Variants in PTPN22 observed in about 807,000 individuals in gnomAD.
PTPN22 encodes protein tyrosine phosphatase non-receptor type 22, also known as tyrosine-protein phosphatase non-receptor type 22.
PTPN22 carries 85 observed loss-of-function variants against 103.3 expected under a neutral mutation model. The ratio of observed to expected loss-of-function variants is 0.82; its 90% CI spans 0.69 to 0.99. PTPN22 has a LOEUF of 0.99. Ranked by LOEUF, PTPN22 falls within the 50% of genes least tolerant of loss-of-function variation. PTPN22 has a pLI of 0.00. For missense variants in PTPN22, 865 were observed against 936.9 expected, an observed-to-expected ratio of 0.92 and a Z score of 1.00; for synonymous variants, 323 against 310.2, an observed-to-expected ratio of 1.04 and a Z score of -0.43.
chr1:113,853,626 C>T (rs577754518), intron 9 of PTPN22, among the ~76,000 whole-genome samples: 50 of 150,698 alleles, frequency 3.3e-4, no homozygotes, highest in Middle Eastern at 3.4e-3. Context: ...CTGGGATTAC[C>T]GTGTGAGCCA....
At chr1:113,828,882 C>T (rs1286140564) in intron 18 of PTPN22, among the ~76,000 whole-genome samples, 4 of 152,146 alleles carry the variant, frequency 2.6e-5, no homozygotes, top group Non-Finnish European at 4.4e-5. Context: ...GTGATCTGCC[C>T]GCCTTGGCCT....
chr1:113,847,735 T>C (rs1192594467), intron 11 of PTPN22, among the ~76,000 whole-genome samples: 1 of 151,548 alleles, frequency 6.6e-6, no homozygotes, highest in East Asian at 2.0e-4. Flanking sequence ...CGCATCACCA[T>C]GCCCAGTTAA....
intron 14 of PTPN22, 94 bp downstream of exon 14, chr1:113,834,816 G>T (rs1265940113): frequency 2.0e-6 from 2 of 1,019,634 alleles, no homozygotes; most frequent in Non-Finnish European, 1.5e-6. Flanking sequence ...CAAACTCAAG[G>T]CTCACACATC....
chr1:113,837,943 G>A (rs1184551198), exon 13 of PTPN22: 1 of 1,613,942 alleles, frequency 6.2e-7, no homozygotes, highest in Non-Finnish European at 8.5e-7. Context: ...TACTTTTTGA[G>A]CCTGCATCTC....
intron 11 of PTPN22, among the ~76,000 whole-genome samples, chr1:113,843,552 T>A (rs1277469003): frequency 6.6e-6 from 1 of 152,158 alleles, no homozygotes; most frequent in Non-Finnish European, 1.5e-5. Context: ...AGGGAGTTAT[T>A]GTTTAATGGA....
chr1:113,852,355 A>G (rs1025115176), intron 9 of PTPN22, among the ~76,000 whole-genome samples: 4 of 152,124 alleles, frequency 2.6e-5, no homozygotes, highest in East Asian at 1.9e-4. Context: ...GTCTAAAACT[A>G]TAGATATAAC....
At chr1:113,821,914 A>T (rs1661648387) in intron 19 of PTPN22, among the ~76,000 whole-genome samples, 2 of 152,244 alleles carry the variant, frequency 1.3e-5, no homozygotes, top group African/African-American at 4.8e-5. Flanking sequence ...TAATCAGAAC[A>T]TTGACTATAA....
Position 113,854,872 on chromosome 1 carries a change from C to T in PTPN22, c.683+35G>A, listed in dbSNP as rs369214737. ...CCTGGCCAGACTCTGACATTTGGTT[C>T]ATTTTGGGTAGAAGGTTTATATATA... On this transcript the variant is annotated intron_variant, in intron 8 of 20. Transcript: ENST00000359785. The T allele has an allele frequency of 2.5e-6, 4 of 1,595,562 alleles. No individual in the cohort carries two copies. In the African/African-American group the frequency reaches 5.4e-5, roughly 21 times the overall value.
intron 9 of PTPN22, among the ~76,000 whole-genome samples, chr1:113,854,090 T>C (rs1664841511): frequency 1.3e-5 from 2 of 151,846 alleles, no homozygotes. Flanking sequence ...ATGGTCTCGA[T>C]CTCCTGACCT....
intron 18 of PTPN22, among the ~76,000 whole-genome samples, chr1:113,828,128 C>T (rs1662247497): frequency 6.6e-6 from 1 of 152,098 alleles, no homozygotes; most frequent in Non-Finnish European, 1.5e-5. Context: ...TCTAACAGTT[C>T]TTTATCTATT....
chr1:113,855,700 T>C (rs950581307), intron 7 of PTPN22, among the ~76,000 whole-genome samples: 1 of 152,150 alleles, frequency 6.6e-6, no homozygotes, highest in Non-Finnish European at 1.5e-5. Context: ...CTGAAAACCA[T>C]TAAAAGTGAT....
At position 113,857,793 on chromosome 1, in the gene PTPN22, A is replaced by C. The variant is rs1196896546; in HGVS notation, c.370-17T>G. ...AACAATGATCTGGGGGATGAAATAG[A>C]TAGAAACTTAAACATTCATATATAG... is the stretch of plus-strand genomic sequence containing the variant. On this transcript the variant is annotated splice_polypyrimidine_tract_variant and intron_variant, in intron 4 of 20. Transcript: ENST00000359785. The C allele has an allele frequency of 3.1e-6, 5 of 1,603,952 alleles. No homozygotes were observed. The highest frequency in any genetic ancestry group is 4.3e-6 in the Non-Finnish European group (5 of 1,173,818).
chr1:113,869,753 A>G (rs1666425409), intron 1 of PTPN22, among the ~76,000 whole-genome samples: 1 of 152,178 alleles, frequency 6.6e-6, no homozygotes, highest in South Asian at 2.1e-4. Context: ...ACTGCCCCTC[A>G]GCTCACTTTT....
At chr1:113,846,992 AT>A (rs778146828) in intron 11 of PTPN22, among the ~76,000 whole-genome samples, 130 of 76,114 alleles carry the variant, frequency 1.7e-3, no homozygotes, top group East Asian at 7.6e-3. Context: ...CCAATGCTAG[AT>A]TTTTTTTTTT....
exon 13 of PTPN22, chr1:113,838,093 C>A (rs1460782622): frequency 6.2e-7 from 1 of 1,613,982 alleles, no homozygotes; most frequent in South Asian, 1.1e-5. Context: ...ATTAAAATAT[C>A]TTCCTGCTGC....
chr1:113,853,640 T>C (rs1450234996), intron 9 of PTPN22, among the ~76,000 whole-genome samples: 1 of 151,466 alleles, frequency 6.6e-6, no homozygotes, highest in Non-Finnish European at 1.5e-5. Flanking sequence ...TGAGCCACCA[T>C]GCCCGGCCAA....
chr1:113,816,420 A>AG (rs1305391232), intron 20 of PTPN22, among the ~76,000 whole-genome samples: 37 of 113,904 alleles, frequency 3.2e-4, no homozygotes, highest in African/African-American at 1.1e-3. Flanking sequence ...AAGGCTGCAG[A>AG]GGGGAAAAAA....
chr1:113,850,603 C>T (rs1349817451), intron 10 of PTPN22, among the ~76,000 whole-genome samples: 2 of 152,316 alleles, frequency 1.3e-5, no homozygotes, highest in East Asian at 3.9e-4. Flanking sequence ...GCTTTCATTT[C>T]ACATAAGCTT....
chr1:113,861,625 C>A (rs948002460), intron 1 of PTPN22, among the ~76,000 whole-genome samples: 38 of 152,100 alleles, frequency 2.5e-4, no homozygotes, highest in African/African-American at 8.4e-4. Flanking sequence ...GTGATCCCCC[C>A]ACCTCGGCCT....
Sources: allele counts gnomAD v4.1 joint callset (sites outside exome capture counted in the v4.1 genomes callset), GRCh38; gene constraint gnomAD v4.1.1; transcripts MANE v1.5; gene names NCBI Gene and HGNC (gene_info 2026-07-23, HGNC 2026-07-21).